The following COL4A4 variants were observed in gnomAD, a reference collection of about 807,000 sequenced individuals.
The protein encoded by COL4A4 is collagen alpha-4(IV) chain.
COL4A4 carries 105 observed loss-of-function variants against 192.9 expected under a neutral mutation model. The ratio of observed to expected loss-of-function variants is 0.54; its 90% CI spans 0.46 to 0.64. The LOEUF (loss-of-function observed/expected upper bound fraction) is 0.64. Ranked by LOEUF, COL4A4 falls within the 30% of genes least tolerant of loss-of-function variation. The pLI, the probability that COL4A4 is intolerant of heterozygous loss-of-function variation, is 0.00. For missense variants in COL4A4, 1,967 were observed against 2,169.3 expected (o/e 0.91, Z 1.85); for synonymous variants, 762 against 769.9 (o/e 0.99, Z 0.17).
chr2:227,068,164 C>T (rs1186433524), intron 25 of COL4A4, among the ~76,000 whole-genome samples: 4 of 149,352 alleles, frequency 2.7e-5, no homozygotes, highest in African/African-American at 4.9e-5. Flanking sequence ...CAAGACTAAA[C>T]CAGGAAGAAG....
Position 227,099,674 on chromosome 2 carries a change from G to T in COL4A4, c.1045C>A (p.Arg349=). The change falls in exon 18 of 48, where the codon CGA becomes AGA. Residue 349 remains arginine (R), a synonymous_variant. Coordinates refer to ENST00000396625, the MANE Select transcript of COL4A4 (RefSeq NM_000092.5). ...ACACCTGGTGGTCCTGGGTGCCCTC[G>T]ATTTCCAGGATCCCCCTGAAATCAT... The part of the protein sequence containing the change: ...LIGPKGDPGN[R]GHPGPPGVLV... 2 of 1,614,048 alleles carry T rather than the reference G, an allele frequency of 1.2e-6. No individual in the cohort carries two copies. Among genetic ancestry groups the T allele is most frequent in the Non-Finnish European group, 1.7e-6 (2 of 1,179,938 alleles).
chr2:227,016,721 C>A (rs115677235), intron 44 of COL4A4, among the ~76,000 whole-genome samples: 59 of 152,318 alleles, frequency 3.9e-4, no homozygotes, highest in African/African-American at 1.3e-3. Context: ...AGTCTCTCCC[C>A]TCCATGCCCT....
At chr2:227,061,500 G>A (rs1267863081) in intron 26 of COL4A4, among the ~76,000 whole-genome samples, 1 of 152,138 alleles carries the variant, frequency 6.6e-6, no homozygotes, top group African/African-American at 2.4e-5. Flanking sequence ...AACCTAACTT[G>A]GAGCTACACT....
chr2:227,138,315 CTAAAAAAGAAAAAGAA>C (rs1268833748), intron 4 of COL4A4, among the ~76,000 whole-genome samples: 1 of 151,438 alleles, frequency 6.6e-6, no homozygotes, highest in Non-Finnish European at 1.5e-5. Flanking sequence ...GAGACCCTGT[CTAAAAAAGAAAAAGAA>C]TAGAAAAGAA....
intron 31 of COL4A4, among the ~76,000 whole-genome samples, chr2:227,052,714 T>C (rs1362263229): frequency 1.7e-5 from 1 of 58,150 alleles, no homozygotes; most frequent in Non-Finnish European, 2.7e-5. Flanking sequence ...TTTGAAAAGT[T>C]CCAGTCTAAA....
intron 19 of COL4A4, among the ~76,000 whole-genome samples, chr2:227,098,339 G>A (rs1009193471): frequency 1.6e-4 from 25 of 152,126 alleles, no homozygotes; most frequent in Non-Finnish European, 1.9e-4. Flanking sequence ...CTTTGTGGGA[G>A]GCCTGTTGTT....
intron 1 of COL4A4, among the ~76,000 whole-genome samples, chr2:227,158,796 A>C (rs1274202030): frequency 6.8e-6 from 1 of 147,170 alleles, no homozygotes; most frequent in African/African-American, 2.5e-5. Flanking sequence ...AGGATGGCTA[A>C]AATTAAAAAA....
the COL4A4 span, among the ~76,000 whole-genome samples, chr2:226,974,043 T>C: frequency 6.0e-4 from 92 of 152,250 alleles, no homozygotes; most frequent in African/African-American, 2.2e-3. Flanking sequence ...CTTACCCAGT[T>C]TGTCAGGCTT....
At chr2:227,114,084 A>G (rs572117455) in intron 8 of COL4A4, among the ~76,000 whole-genome samples, 1 of 152,366 alleles carries the variant, frequency 6.6e-6, no homozygotes, top group African/African-American at 2.4e-5. Flanking sequence ...TATAAGGTTT[A>G]CATCATTTTC....
At chr2:226,983,243 A>G in the COL4A4 span, among the ~76,000 whole-genome samples, 472 of 152,212 alleles carry the variant, frequency 3.1e-3, 2 homozygotes, top group African/African-American at 0.011. Flanking sequence ...TTAGAACCCT[A>G]GAATCTGCCT....
intron 4 of COL4A4, among the ~76,000 whole-genome samples, chr2:227,136,423 A>G (rs1184638001): frequency 1.3e-5 from 2 of 152,232 alleles, no homozygotes; most frequent in African/African-American, 2.4e-5. Context: ...TATTCAGATT[A>G]TCTTCAAGAG....
chr2:227,042,054 A>G, intron 37 of COL4A4, 94 bp downstream of exon 37: 9 of 814,664 alleles, frequency 1.1e-5, no homozygotes, highest in Non-Finnish European at 2.0e-5. Flanking sequence ...TATAACCAAG[A>G]GCAGGGTCAC....
intron 4 of COL4A4, 152 bp downstream of exon 4, chr2:227,140,009 T>C (rs2063091659): frequency 2.9e-6 from 2 of 701,752 alleles, no homozygotes; most frequent in Non-Finnish European, 5.2e-6. Context: ...ATAGTTGAGA[T>C]TGCTATTAGA....
chr2:227,156,482 C>T (rs112352065), intron 1 of COL4A4, among the ~76,000 whole-genome samples: 2 of 144,564 alleles, frequency 1.4e-5, no homozygotes, highest in African/African-American at 2.7e-5. Flanking sequence ...AGGAAGATCT[C>T]GGGAAATGGA....
rs4536647 is a variant in COL4A4, at chr2:227,057,261, A to G, written c.2545+178T>C. ...CAACTAGCCCACTACATTGCCCCAT[A>G]AGACTTGGGTGACATGGGGGAAGTG... On this transcript the variant is annotated intron_variant, in intron 29 of 47. Transcript: ENST00000396625. 0.65 allele frequency among the ~76,000 whole-genome samples: 98,521 copies of G among 152,092 alleles called. 32,505 individuals carry two copies. The highest frequency in any genetic ancestry group is 0.77 in the African/African-American group (31,763 of 41,508).
intron 1 of COL4A4, among the ~76,000 whole-genome samples, chr2:227,148,992 G>A (rs893708891): frequency 6.6e-6 from 1 of 151,672 alleles, no homozygotes; most frequent in Non-Finnish European, 1.5e-5. Context: ...CACCACACCC[G>A]GCTAATTTTT....
chr2:227,145,748 A>G (rs1482525274), intron 2 of COL4A4, among the ~76,000 whole-genome samples: 2 of 152,248 alleles, frequency 1.3e-5, no homozygotes, highest in East Asian at 3.9e-4. Context: ...GCCGACAGAC[A>G]CTACAGATGT....
intron 30 of COL4A4, among the ~76,000 whole-genome samples, chr2:227,055,037 G>A (rs1056414188): frequency 9.2e-5 from 14 of 152,166 alleles, no homozygotes; most frequent in South Asian, 4.2e-4. Flanking sequence ...TGATCCACCC[G>A]CCTCAGCCTC....
At chr2:227,008,566 G>A (rs976711004) in intron 46 of COL4A4, among the ~76,000 whole-genome samples, 4 of 152,218 alleles carry the variant, frequency 2.6e-5, no homozygotes, top group Admixed American at 2.6e-4. Context: ...TGTTCAGGAA[G>A]CTCATGGCCT....
Sources: gnomAD v4.1 joint callset for allele counts (sites outside exome capture counted in the v4.1 genomes callset) on GRCh38, gnomAD v4.1.1 for gene constraint, MANE v1.5 for transcripts, NCBI Gene and HGNC (gene_info 2026-07-23, HGNC 2026-07-21) for gene names.